Variants in AHCTF1 observed in about 807,000 individuals in gnomAD.
AHCTF1 encodes protein ELYS.
AHCTF1 carries 24 observed loss-of-function variants against 248.4 expected under a neutral mutation model. That is an observed-to-expected ratio of 0.10 (90% CI 0.07 to 0.14). The LOEUF (loss-of-function observed/expected upper bound fraction) is 0.14. Ranked by LOEUF, AHCTF1 falls within the 10% of genes least tolerant of loss-of-function variation. The pLI is 1.00. For synonymous variants in AHCTF1, 786 were observed against 929.8 expected (o/e 0.85, Z 2.81); for missense variants, 2,206 against 2,636.2 (o/e 0.84, Z 3.57).
chr1:246,900,565 G>C lies in AHCTF1; in HGVS notation c.1118-96C>G, dbSNP rs549391126. The C allele has an allele frequency of 1.9e-5, 25 of 1,303,672 alleles. No homozygotes were observed. The Admixed American group carries it at 7.6e-4, about 40-fold the overall frequency. 80.8% of individuals were successfully genotyped at this position (1,303,672 alleles called of 1,614,324 possible). ...AGCAAGATTTTCTCATAAATTAAGC[G>C]GTTTAATTCATATTTCACTTGATTC... On this transcript the variant is annotated intron_variant, in intron 8 of 35. Coordinates refer to ENST00000648844, the MANE Select transcript of AHCTF1 (RefSeq NM_001323342.2).
intron 14 of AHCTF1, among the ~76,000 whole-genome samples, chr1:246,893,666 G>C (rs1323726850): frequency 6.6e-6 from 1 of 152,134 alleles, no homozygotes; most frequent in Non-Finnish European, 1.5e-5. Context: ...ATCCATGGAG[G>C]ACAGCAGTGA....
chr1:246,841,522 A>G (rs1659863754), intron 35 of AHCTF1, among the ~76,000 whole-genome samples: 1 of 152,220 alleles, frequency 6.6e-6, no homozygotes, highest in African/African-American at 2.4e-5. Context: ...GAATTCAACC[A>G]TGCCTACTAA....
In AHCTF1 at chr1:246,923,179, C is replaced by T. The variant is rs1196026355; in HGVS notation, c.-7-4802G>A. Among the ~76,000 whole-genome samples the T allele has an allele frequency of 5.3e-5, 8 of 150,712 alleles. No individual in the cohort carries two copies. In the East Asian group the frequency reaches 1.4e-3, roughly 26 times the overall value. On this transcript the variant is annotated intron_variant, in intron 1 of 35. Coordinates refer to ENST00000648844, the MANE Select transcript of AHCTF1 (RefSeq NM_001323342.2). ...CCTGTAATCCCAGCACTTTGGGAGGCCGAGGTGGGCAGATCACCTGAGGTC... is the reference window on the plus strand; with the variant it reads ...CCTGTAATCCCAGCACTTTGGGAGGTCGAGGTGGGCAGATCACCTGAGGTC...
Position 246,853,297 on chromosome 1 carries a change from TAGC to T in AHCTF1, c.4355-1_4356del, listed in dbSNP as rs1428294581. The T allele has an allele frequency of 6.2e-7, 1 of 1,602,142 alleles. No homozygotes were observed. The highest frequency in any genetic ancestry group is 8.5e-7 in the Non-Finnish European group (1 of 1,175,318). ...CCACCATCACCAAGGACATCAGCCA[TAGC>T]TGAAAGAAAAATGAGTGAATTTTTT... is the stretch of plus-strand genomic sequence containing the variant. On this transcript the variant is annotated splice_acceptor_variant and coding_sequence_variant, in exon 32 of 36. Coordinates refer to ENST00000648844, the MANE Select transcript of AHCTF1 (RefSeq NM_001323342.2). LOFTEE classifies it high-confidence loss of function.
intron 1 of AHCTF1, chr1:246,931,314 C>T: frequency 1.9e-6 from 3 of 1,546,700 alleles, no homozygotes; most frequent in Admixed American, 2.0e-5. Flanking sequence ...CCACCAGCGC[C>T]GCTCCGCCGC....
intron 1 of AHCTF1, among the ~76,000 whole-genome samples, chr1:246,926,844 G>A (rs898834211): frequency 1.3e-5 from 2 of 148,742 alleles, no homozygotes; most frequent in Admixed American, 6.7e-5. Context: ...CAACAAGAGC[G>A]AAACCCCGTT....
At chr1:246,926,396 G>T (rs932105330) in intron 1 of AHCTF1, among the ~76,000 whole-genome samples, 2 of 152,070 alleles carry the variant, frequency 1.3e-5, no homozygotes, top group South Asian at 2.1e-4. Flanking sequence ...TAGAAAAGAG[G>T]AGTACTTATT....
chr1:246,885,390 TACTGACTTA>T (rs1295881621), intron 21 of AHCTF1, 94 bp downstream of exon 21: 2 of 958,892 alleles, frequency 2.1e-6, no homozygotes, highest in Admixed American at 5.6e-5. Flanking sequence ...GGACTGACTT[TACTGACTTA>T]ACGGCCAATT....
chr1:246,872,246 A>G lies in AHCTF1; in HGVS notation c.3088+3791T>C, dbSNP rs141689938. On this transcript the variant is annotated intron_variant, in intron 24 of 35. Coordinates refer to ENST00000648844, the MANE Select transcript of AHCTF1 (RefSeq NM_001323342.2). ...AGGTGTCTCCAATTTGTACAAAATA[A>G]TACTCAGATCGGGCTCCCTTGTGAC... Among the ~76,000 whole-genome samples, 992 of 152,280 alleles carry G rather than the reference A, an allele frequency of 6.5e-3. 14 individuals are homozygous for G. The highest frequency in any genetic ancestry group is 0.022 in the African/African-American group (910 of 41,558).
intron 4 of AHCTF1, among the ~76,000 whole-genome samples, chr1:246,912,199 C>T (rs930771175): frequency 2.6e-5 from 4 of 151,854 alleles, no homozygotes; most frequent in East Asian, 3.9e-4. Context: ...AAGAATGTGC[C>T]GGGTGTGGTG....
rs1409224893 is a variant in AHCTF1 at position 246,849,811 on chromosome 1, T to C, written c.6195A>G (p.Ser2065=). The change falls in exon 33 of 36, where the codon TCA becomes TCG. Residue 2065 remains serine (S), a synonymous_variant. Transcript: ENST00000648844. ...GTGTCATTTCATCTGTGCGTTCTTC[T>C]GATACTGAGTGCAATGAACGTTTTT... ...QSQKRSLHSV[S]EERTDEMTHK... is the part of the protein sequence containing the mutation. 6.2e-7 allele frequency: 1 copy of C among 1,614,000 alleles called. No homozygotes were observed. The highest frequency in any genetic ancestry group is 1.1e-5 in the South Asian group (1 of 91,082).
At position 246,900,052 on chromosome 1, in the gene AHCTF1, A is replaced by G. The variant is rs1379947947; in HGVS notation, c.1432+13T>C. ...TTACTTTTCTTAAGAGGTAATGTTAAGGAAATACATACCAAAATTATAAGT... is the reference window on the plus strand; with the variant it reads ...TTACTTTTCTTAAGAGGTAATGTTAGGGAAATACATACCAAAATTATAAGT... On this transcript the variant is annotated intron_variant, in intron 10 of 35. Coordinates refer to ENST00000648844, the MANE Select transcript of AHCTF1 (RefSeq NM_001323342.2). 2.5e-6 allele frequency: 4 copies of G among 1,595,830 alleles called. No individual in the cohort carries two copies. The highest frequency in any genetic ancestry group is 1.4e-5 in the African/African-American group (1 of 74,072).
rs141147858 is a variant in AHCTF1 at position 246,858,661 on chromosome 1, C to CT, written c.4133-848dup. 5.6e-3 allele frequency among the ~76,000 whole-genome samples: 844 copies of CT among 151,988 alleles called. 10 individuals carry two copies. The highest frequency in any genetic ancestry group is 0.02 in the African/African-American group (814 of 41,454). On this transcript the variant is annotated intron_variant, in intron 29 of 35. Coordinates refer to ENST00000648844, the MANE Select transcript of AHCTF1 (RefSeq NM_001323342.2). ...TGGCCAACATGGTGAAACCCCGCCTCTAATAATACAAAAATTGGCTGGGCA... is the reference window on the plus strand; with the variant it reads ...TGGCCAACATGGTGAAACCCCGCCTCTTAATAATACAAAAATTGGCTGGGCA...
At chr1:246,874,154 G>A (rs1223984063) in intron 24 of AHCTF1, among the ~76,000 whole-genome samples, 2 of 152,026 alleles carry the variant, frequency 1.3e-5, no homozygotes, top group Non-Finnish European at 2.9e-5. Context: ...GACAAAGGGT[G>A]CCAAACTCCA....
At chr1:246,853,353 C>A in intron 31 of AHCTF1, 54 bp from the exon 32 acceptor site, 1 of 1,422,914 alleles carries the variant, frequency 7.0e-7, no homozygotes, top group Non-Finnish European at 9.7e-7. Context: ...TAAATCCACA[C>A]ACAAGGAAGC....
rs1572344498 is a variant in AHCTF1, at chr1:246,840,143, G to A, written c.*663C>T. 1 of 152,548 alleles carries A rather than the reference G, an allele frequency of 6.6e-6. No homozygotes were observed. Among genetic ancestry groups the A allele is most frequent in the African/African-American group, 2.4e-5 (1 of 41,426 alleles). 9.4% of individuals were successfully genotyped at this position (152,548 alleles called of 1,614,324 possible). A position where few individuals can be genotyped will look rare whatever the true frequency, so the allele number is the denominator to read the frequency against. On this transcript the variant is annotated 3_prime_UTR_variant, in exon 36 of 36. Coordinates refer to ENST00000648844, the MANE Select transcript of AHCTF1 (RefSeq NM_001323342.2). Reference sequence around the variant, plus strand: ...AGCAGTGAACCGGTCAATCTAACCTGGATTAGTCTTTGACTAATTAAGACT... The same window carrying A: ...AGCAGTGAACCGGTCAATCTAACCTAGATTAGTCTTTGACTAATTAAGACT...
chr1:246,930,559 T>C (rs1432406009), intron 1 of AHCTF1, among the ~76,000 whole-genome samples: 1 of 149,902 alleles, frequency 6.7e-6, no homozygotes, highest in Non-Finnish European at 1.5e-5. Flanking sequence ...AGAGACTCTA[T>C]CAGTGAAAGC....
At chr1:246,909,394 C>CA (rs55998210) in intron 4 of AHCTF1, among the ~76,000 whole-genome samples, 1,046 of 62,282 alleles carry the variant, frequency 0.017, 30 homozygotes, top group East Asian at 0.062. Context: ...TCCAGCCTCT[C>CA]AAAAAAAAAA....
At position 246,840,068 on chromosome 1, in the gene AHCTF1, GATTT is replaced by G. The variant is rs1659747611; in HGVS notation, c.*734_*737del. The G allele has an allele frequency of 1.3e-5, 2 of 152,654 alleles. No homozygotes were observed. Among genetic ancestry groups the G allele is most frequent in the African/African-American group, 2.4e-5 (1 of 41,556 alleles). 9.5% of individuals were successfully genotyped at this position (152,654 alleles called of 1,614,324 possible). A position where few individuals can be genotyped will look rare whatever the true frequency, so the allele number is the denominator to read the frequency against. ...AAGATGCACTCAATATCCATAAACAGATTTATTTTACATTTCCCTTTGTCAAACC... is the reference window on the plus strand; with the variant it reads ...AAGATGCACTCAATATCCATAAACAGATTTTACATTTCCCTTTGTCAAACC... On this transcript the variant is annotated 3_prime_UTR_variant, in exon 36 of 36. Transcript: ENST00000648844.
Sources: allele counts gnomAD v4.1 joint callset (sites outside exome capture counted in the v4.1 genomes callset), GRCh38; gene constraint gnomAD v4.1.1; transcripts MANE v1.5; gene names NCBI Gene and HGNC (gene_info 2026-07-23, HGNC 2026-07-21).